CCDC80: variants seen among roughly 807,000 people sequenced by gnomAD.
CCDC80 encodes coiled-coil domain-containing protein 80.
In CCDC80, 49 loss-of-function variants were observed where a neutral mutation model predicts 78.7. The ratio of observed to expected loss-of-function variants is 0.62; its 90% CI spans 0.50 to 0.79. CCDC80 has a LOEUF of 0.79. CCDC80 is among the 30% of genes least tolerant of loss of function. The pLI is 0.00. For missense variants in CCDC80, 1,205 were observed against 1,198.6 expected, an observed-to-expected ratio of 1.01 and a Z score of -0.08; for synonymous variants, 488 against 447.0, an observed-to-expected ratio of 1.09 and a Z score of -1.16.
intron 3 of CCDC80, 95 bp from the exon 4 acceptor site, chr3:112,619,199 C>G (rs866897873): frequency 5.1e-6 from 6 of 1,167,066 alleles, no homozygotes; most frequent in East Asian, 2.8e-5. Context: ...ATCACACCAG[C>G]CTTCATTAGT....
intron 2 of CCDC80, among the ~76,000 whole-genome samples, chr3:112,633,101 T>C (rs16859875): frequency 0.1 from 15,892 of 152,282 alleles, 921 homozygotes; most frequent in South Asian, 0.2. Flanking sequence ...TCAACTTTCC[T>C]GCCAACCTCA....
At chr3:112,612,040 CTTTT>C (rs754201530) in intron 5 of CCDC80, among the ~76,000 whole-genome samples, 51 of 133,358 alleles carry the variant, frequency 3.8e-4, no homozygotes, top group Admixed American at 4.5e-4. Flanking sequence ...ACTTCCTCTG[CTTTT>C]TTTTTTTTTT....
At chr3:112,618,260 C>T (rs1362221709) in intron 4 of CCDC80, among the ~76,000 whole-genome samples, 4 of 152,194 alleles carry the variant, frequency 2.6e-5, no homozygotes, top group Non-Finnish European at 5.9e-5. Context: ...GTGGCTCACG[C>T]CTGTAATCCC....
intron 5 of CCDC80, among the ~76,000 whole-genome samples, chr3:112,615,091 A>G (rs1935707016): frequency 6.6e-6 from 1 of 152,178 alleles, no homozygotes; most frequent in Admixed American, 6.5e-5. Context: ...TGGGTGAGAG[A>G]TTTTTGAGGC....
At position 112,639,090 on chromosome 3, in the gene CCDC80, G is replaced by T. The variant is rs369038911; in HGVS notation, c.816C>A (p.Ile272=). 7.4e-6 allele frequency: 12 copies of T among 1,613,678 alleles called. No homozygotes were observed. Among genetic ancestry groups the T allele is most frequent in the Non-Finnish European group, 1.0e-5 (12 of 1,180,020 alleles). Residue 272 remains isoleucine, a synonymous_variant, in exon 2 of 8, where the codon ATC becomes ATA. Coordinates refer to ENST00000206423, the MANE Select transcript of CCDC80 (RefSeq NM_199511.3). ...ATTTCTGGACAAAGCCCTTCTGCCT[G>T]ATCTTCTCGATCCTACGGATGGGGC... is the stretch of plus-strand genomic sequence containing the variant. ...DQGPIRRIEK[I]RQKGFVQKCK...
At chr3:112,637,503 GT>G in intron 2 of CCDC80, among the ~76,000 whole-genome samples, 1 of 152,306 alleles carries the variant, frequency 6.6e-6, no homozygotes, top group East Asian at 1.9e-4. Flanking sequence ...GCACTCCAAT[GT>G]TGATATAGAG....
chr3:112,618,397 G>A (rs1935795841), intron 4 of CCDC80, among the ~76,000 whole-genome samples: 3 of 152,048 alleles, frequency 2.0e-5, no homozygotes, highest in South Asian at 2.1e-4. Flanking sequence ...GGTGGCGGGT[G>A]CTTACTGTAG....
At chr3:112,616,447 A>C (rs1309433878) in intron 5 of CCDC80, among the ~76,000 whole-genome samples, 1 of 84,058 alleles carries the variant, frequency 1.2e-5, no homozygotes, top group African/African-American at 8.7e-5. Context: ...AAAAAAAGAA[A>C]AGAAAAAAAA....
Position 112,627,420 on chromosome 3 carries a change from G to A in CCDC80, c.2035+2693C>T, listed in dbSNP as rs764223805. Among the ~76,000 whole-genome samples the A allele has an allele frequency of 7.2e-5, 11 of 152,306 alleles. No homozygotes were observed. The South Asian group carries it at 1.0e-3, about 14-fold the overall frequency. ...AAAATCTTAAGGTAAGTTTCTTGGC[G>A]TTTGTAGGTTCATCAGTGATGTCCA... On this transcript the variant is annotated intron_variant, in intron 3 of 7. Coordinates refer to ENST00000206423, the MANE Select transcript of CCDC80 (RefSeq NM_199511.3).
rs1470288258 is a variant in CCDC80 at position 112,599,304 on chromosome 3, CT to C, written c.*6112del. On this transcript the variant is annotated 3_prime_UTR_variant, in exon 8 of 8. Coordinates refer to ENST00000206423, the MANE Select transcript of CCDC80 (RefSeq NM_199511.3). ...TTTGCCCCTCATCACCAAATCTTAA[CT>C]CTTTGGACTTTAATAATGTGCAAAA... 6.6e-6 allele frequency: 1 copy of C among 152,182 alleles called. No homozygotes were observed. The highest frequency in any genetic ancestry group is 1.5e-5 in the Non-Finnish European group (1 of 68,052). The allele number at this position is 152,182 out of a possible 1,614,324, so 9.4% of individuals were successfully genotyped here.
chr3:112,610,035 C>T lies in CCDC80; in HGVS notation c.2368G>A (p.Glu790Lys). The T allele has an allele frequency of 6.2e-7, 1 of 1,614,016 alleles. No individual in the cohort carries two copies. The highest frequency in any genetic ancestry group is 8.5e-7 in the Non-Finnish European group (1 of 1,179,980). Residue 790 changes from glutamate to lysine, a missense_variant, in exon 6 of 8, where the codon GAA becomes AAA. By Grantham distance (56) the Glu-to-Lys change is moderately conservative. Transcript: ENST00000206423. ...RLLVISAPNDEDWAYSQQLSA... is the reference protein window; with the variant it reads ...RLLVISAPNDKDWAYSQQLSA... ...AGCTGCTGTGAATAGGCCCAGTCTT[C>T]ATCGTTAGGAGCAGAGATCACCAGC...
At chr3:112,616,910 C>A in intron 4 of CCDC80, 52 bp from the exon 5 acceptor site, 1 of 1,577,872 alleles carries the variant, frequency 6.3e-7, no homozygotes, top group Non-Finnish European at 8.7e-7. Context: ...TTTCTTCTCT[C>A]TATTCAGAGG....
Position 112,605,173 on chromosome 3 carries a change from A to C in CCDC80, c.*244T>G, listed in dbSNP as rs930850514. ...GAAAAGGAAAATAATATCAATTTTC[A>C]GTACTATTATTTAGCACTAGAGCCC... On this transcript the variant is annotated 3_prime_UTR_variant, in exon 8 of 8. Transcript: ENST00000206423. 1.1e-5 allele frequency: 4 copies of C among 359,090 alleles called. No homozygotes were observed. The highest frequency in any genetic ancestry group is 8.4e-5 in the African/African-American group (4 of 47,746). 22.2% of individuals were successfully genotyped at this position (359,090 alleles called of 1,614,324 possible). A position where few individuals can be genotyped will look rare whatever the true frequency, so the allele number is the denominator to read the frequency against.
intron 2 of CCDC80, among the ~76,000 whole-genome samples, chr3:112,633,703 G>A (rs1438044608): frequency 6.6e-6 from 1 of 152,188 alleles, no homozygotes; most frequent in African/African-American, 2.4e-5. Context: ...TGCTCCTCAA[G>A]TTTGCAACAG....
intron 5 of CCDC80, among the ~76,000 whole-genome samples, chr3:112,615,415 G>C (rs1242338965): frequency 6.6e-6 from 1 of 152,058 alleles, no homozygotes; most frequent in African/African-American, 2.4e-5. Context: ...TGTTGATACT[G>C]GGACCTCTGT....
At chr3:112,630,411 T>C (rs1177912543) in intron 2 of CCDC80, 142 bp from the exon 3 acceptor site, 1 of 818,574 alleles carries the variant, frequency 1.2e-6, no homozygotes, top group Non-Finnish European at 1.9e-6. Context: ...GTTAGCATAA[T>C]TAGGACCAAA....
intron 3 of CCDC80, among the ~76,000 whole-genome samples, chr3:112,619,534 C>T (rs1229897970): frequency 6.6e-6 from 1 of 152,120 alleles, no homozygotes; most frequent in East Asian, 1.9e-4. Context: ...GTGTCTGTTC[C>T]TCTTTTTTGG....
chr3:112,634,062 G>A (rs1475023809), intron 2 of CCDC80, among the ~76,000 whole-genome samples: 2 of 152,152 alleles, frequency 1.3e-5, no homozygotes, highest in South Asian at 2.1e-4. Flanking sequence ...AGAGCAAAGA[G>A]CAATGGAAAA....
At chr3:112,607,828 G>T (rs1935546070) in intron 6 of CCDC80, among the ~76,000 whole-genome samples, 1 of 152,140 alleles carries the variant, frequency 6.6e-6, no homozygotes, top group African/African-American at 2.4e-5. Context: ...TAAAATATCT[G>T]AGCTGATCTA....
Sources: allele counts gnomAD v4.1 joint callset (sites outside exome capture counted in the v4.1 genomes callset), GRCh38; gene constraint gnomAD v4.1.1; transcripts MANE v1.5; gene names NCBI Gene and HGNC (gene_info 2026-07-23, HGNC 2026-07-21).